TPRG1: variants seen among roughly 807,000 people sequenced by gnomAD.
TPRG1 encodes the protein tumor protein p63-regulated gene 1 protein.
In TPRG1, 29 loss-of-function variants were observed where a neutral mutation model predicts 29.3. That is an observed-to-expected ratio of 0.99 (90% CI 0.74 to 1.35). The LOEUF is 1.35. TPRG1 is among the 40% of genes most tolerant of loss of function. The probability of loss-of-function intolerance (pLI) is 0.00; values close to 1 mark genes in which losing one functional copy is unlikely to be tolerated. For synonymous variants in TPRG1, 130 were observed against 116.8 expected (o/e 1.11, Z -0.73); for missense variants, 327 against 335.0 (o/e 0.98, Z 0.19).
At chr3:189,086,720 G>A (rs553526679) in intron 4 of TPRG1, among the ~76,000 whole-genome samples, 2 of 152,154 alleles carry the variant, frequency 1.3e-5, no homozygotes, top group East Asian at 3.9e-4. Context: ...GTAGACACAG[G>A]GTTTCTCCAT....
chr3:189,124,337 G>A (rs574352336), intron 1 of TPRG1, among the ~76,000 whole-genome samples: 2 of 152,102 alleles, frequency 1.3e-5, no homozygotes, highest in South Asian at 2.1e-4. Flanking sequence ...CTCAGAAGGG[G>A]TGACAAAAGC....
At chr3:189,155,642 T>C (rs1168792869) in intron 5 of TPRG1, among the ~76,000 whole-genome samples, 1 of 152,160 alleles carries the variant, frequency 6.6e-6, no homozygotes, top group Middle Eastern at 3.2e-3. Flanking sequence ...GAAAATAGAA[T>C]GTTATTGAGC....
intron 4 of TPRG1, among the ~76,000 whole-genome samples, chr3:189,272,750 T>TCCTTCCTC (rs1715444000): frequency 6.9e-6 from 1 of 144,324 alleles, no homozygotes; most frequent in Admixed American, 6.7e-5. Context: ...CTTCCTTCCT[T>TCCTTCCTC]CGTTCCTTCC....
At chr3:189,316,165 A>T (rs968519781) in intron 5 of TPRG1, among the ~76,000 whole-genome samples, 1 of 152,172 alleles carries the variant, frequency 6.6e-6, no homozygotes, top group African/African-American at 2.4e-5. Context: ...ATGGGATAGG[A>T]TGAGGATGGA....
At chr3:189,141,747 G>T (rs1724595364) in intron 3 of TPRG1, among the ~76,000 whole-genome samples, 1 of 152,160 alleles carries the variant, frequency 6.6e-6, no homozygotes, top group Non-Finnish European at 1.5e-5. Flanking sequence ...CAACGTTACA[G>T]TCTCAAGTAT....
intron 3 of TPRG1, among the ~76,000 whole-genome samples, chr3:189,215,600 T>A (rs1735947727): frequency 6.6e-6 from 1 of 152,106 alleles, no homozygotes; most frequent in Non-Finnish European, 1.5e-5. Context: ...GTCCCCTCAC[T>A]CAACCATCAC....
intron 3 of TPRG1, among the ~76,000 whole-genome samples, chr3:189,140,164 AT>A (rs1342133130): frequency 6.6e-6 from 1 of 152,212 alleles, no homozygotes; most frequent in Non-Finnish European, 1.5e-5. Flanking sequence ...GCTTCACCAG[AT>A]ACACTTGAGA....
chr3:189,004,437 G>A (rs767226238), intron 2 of TPRG1: 8 of 152,130 alleles, frequency 5.3e-5, no homozygotes, highest in Non-Finnish European at 1.2e-4. Context: ...ATGATGGATA[G>A]TTCTGGCAGA....
Position 189,105,978 on chromosome 3 carries a change from A to G in TPRG1, c.-744+5774A>G, listed in dbSNP as rs533170184. ...ACCTAGGCGATGGGTTGACAGGTGCAGCAAACCACCATGATACATGTTTAC... is the reference window on the plus strand; with the variant it reads ...ACCTAGGCGATGGGTTGACAGGTGCGGCAAACCACCATGATACATGTTTAC... On this transcript the variant is annotated intron_variant, in intron 1 of 6. Coordinates refer to the TPRG1 transcript ENST00000412373. Among the ~76,000 whole-genome samples, 329 of 152,244 alleles carry G rather than the reference A, an allele frequency of 2.2e-3. 1 individual carries two copies. The highest frequency in any genetic ancestry group is 8.5e-3 in the South Asian group (41 of 4,830).
intron 1 of TPRG1, among the ~76,000 whole-genome samples, chr3:189,183,136 A>T (rs1730458050): frequency 6.6e-6 from 1 of 152,172 alleles, no homozygotes; most frequent in African/African-American, 2.4e-5. Flanking sequence ...CAGTTTGAGA[A>T]ATAAAGGGAC....
chr3:189,196,845 TTTTTA>T lies in TPRG1; in HGVS notation c.-9-10526_-9-10522del, dbSNP rs1200512105. Reference sequence around the variant, plus strand: ...TTCATTAGAATAATAAAGGCTGGAGTTTTTATTTTGAGGGGAAAATCCTATTTTCA... The same window carrying T: ...TTCATTAGAATAATAAAGGCTGGAGTTTTTGAGGGGAAAATCCTATTTTCA... On this transcript the variant is annotated intron_variant, in intron 1 of 5. Coordinates refer to ENST00000345063, the MANE Select transcript of TPRG1 (RefSeq NM_198485.4). Among the ~76,000 whole-genome samples the T allele has an allele frequency of 3.9e-5, 6 of 152,184 alleles. No homozygotes were observed. In the South Asian group the frequency reaches 1.0e-3, roughly 26 times the overall value.
rs199798831 is a variant in TPRG1 at position 189,207,443 on chromosome 3, A to T, written c.59A>T (p.Asp20Val). Residue 20 changes from aspartate to valine, a missense_variant, in exon 2 of 6, where the codon GAT becomes GTT. Asp to Val is a radical substitution (Grantham distance 152). Transcript: ENST00000345063. ...GCTGTGTCTCTGAAGCAAGAGGGAG[A>T]TGACCAACCCTCTGAGACTGACCAC... ...FQAVSLKQEGDDQPSETDHLS... is the reference protein window; with the variant it reads ...FQAVSLKQEGVDQPSETDHLS... 21 of 1,613,888 alleles carry T rather than the reference A, an allele frequency of 1.3e-5. No individual in the cohort carries two copies. Among genetic ancestry groups the T allele is most frequent in the Admixed American group, 1.7e-5 (1 of 59,988 alleles).
intron 4 of TPRG1, among the ~76,000 whole-genome samples, chr3:189,250,940 G>A (rs1742146046): frequency 1.3e-5 from 2 of 151,966 alleles, no homozygotes; most frequent in African/African-American, 4.8e-5. Context: ...AGGGATTCAT[G>A]CATCATGAGC....
chr3:189,301,301 A>C (rs1468795109), intron 4 of TPRG1, among the ~76,000 whole-genome samples: 1 of 105,694 alleles, frequency 9.5e-6, no homozygotes, highest in African/African-American at 7.9e-5. Context: ...TCCATCTCAA[A>C]AAAAAAAAAA....
chr3:189,264,446 T>C (rs1393821914), intron 4 of TPRG1, among the ~76,000 whole-genome samples: 1 of 152,220 alleles, frequency 6.6e-6, no homozygotes, highest in Non-Finnish European at 1.5e-5. Context: ...TCAACTGACA[T>C]ATTCTTTTTC....
chr3:189,060,572 G>T (rs1414765041), intron 4 of TPRG1, among the ~76,000 whole-genome samples: 1 of 152,132 alleles, frequency 6.6e-6, no homozygotes, highest in Non-Finnish European at 1.5e-5. Context: ...AGCTCCTTAA[G>T]CTGATAAATA....
chr3:189,320,140 A>C (rs1577061949), intron 5 of TPRG1, among the ~76,000 whole-genome samples: 1 of 151,872 alleles, frequency 6.6e-6, no homozygotes, highest in South Asian at 2.1e-4. Flanking sequence ...TGTGAGCTCC[A>C]TGACAGCGGG....
intron 1 of TPRG1, among the ~76,000 whole-genome samples, chr3:189,182,931 A>T (rs1251834634): frequency 1.3e-5 from 2 of 152,214 alleles, no homozygotes; most frequent in African/African-American, 4.8e-5. Flanking sequence ...TCACTTAGTT[A>T]TAATTTTTTG....
intron 1 of TPRG1, among the ~76,000 whole-genome samples, chr3:189,125,857 G>GTT: frequency 7.0e-6 from 1 of 142,074 alleles, no homozygotes; most frequent in Non-Finnish European, 1.6e-5. Flanking sequence ...GTGTGTGTGT[G>GTT]TGTGTGTGTG....
Sources: allele counts gnomAD v4.1 joint callset (sites outside exome capture counted in the v4.1 genomes callset), GRCh38; gene constraint gnomAD v4.1.1; transcripts MANE v1.5; gene names NCBI Gene and HGNC (gene_info 2026-07-23, HGNC 2026-07-21).